The following CYP7B1 variants were observed in gnomAD, a reference collection of about 807,000 sequenced individuals.
CYP7B1 encodes cytochrome P450 7B1.
A neutral mutation model predicts 42.7 loss-of-function variants in CYP7B1; 29 were observed. The ratio of observed to expected loss-of-function variants is 0.68; its 90% CI spans 0.51 to 0.93. CYP7B1 has a LOEUF of 0.93. CYP7B1 is among the 40% of genes least tolerant of loss of function. CYP7B1 has a pLI of 0.00. For synonymous variants in CYP7B1, 235 were observed against 218.2 expected (o/e 1.08, Z -0.68); for missense variants, 655 against 600.5 (o/e 1.09, Z -0.95).
downstream of CYP7B1, among the ~76,000 whole-genome samples, chr8:64,589,570 CA>C (rs1415909662): frequency 3.3e-5 from 5 of 152,038 alleles, no homozygotes; most frequent in Non-Finnish European, 5.9e-5. Flanking sequence ...TAATTTCATT[CA>C]AACCTTAATT....
At chr8:64,721,339 T>C (rs1168974368) in intron 1 of CYP7B1, among the ~76,000 whole-genome samples, 1 of 152,164 alleles carries the variant, frequency 6.6e-6, no homozygotes, top group Non-Finnish European at 1.5e-5. Flanking sequence ...TCAAACAGGA[T>C]CATATAGATA....
At chr8:64,589,226 A>G (rs1805004723), downstream of CYP7B1, among the ~76,000 whole-genome samples, 1 of 152,216 alleles carries the variant, frequency 6.6e-6, no homozygotes, top group Admixed American at 6.5e-5. Context: ...ATCCTCAAAG[A>G]TCAAGAATCA....
intron 1 of CYP7B1, among the ~76,000 whole-genome samples, chr8:64,733,716 ATC>A (rs1807446755): frequency 6.6e-6 from 1 of 152,288 alleles, no homozygotes; most frequent in East Asian, 1.9e-4. Context: ...CATGCTTGCA[ATC>A]CCAGCTGCCT....
At chr8:64,674,685 G>C (rs1256218508) in intron 1 of CYP7B1, among the ~76,000 whole-genome samples, 1 of 152,014 alleles carries the variant, frequency 6.6e-6, no homozygotes, top group Admixed American at 6.6e-5. Flanking sequence ...TAGTGCACAG[G>C]AGAGTCTTTC....
intron 1 of CYP7B1, among the ~76,000 whole-genome samples, chr8:64,702,981 C>G (rs181672836): frequency 1.3e-5 from 2 of 151,404 alleles, no homozygotes; most frequent in African/African-American, 4.9e-5. Flanking sequence ...TAGAACACAA[C>G]CTATAACTGG....
At chr8:64,732,393 A>G (rs912268246) in intron 1 of CYP7B1, among the ~76,000 whole-genome samples, 1 of 152,174 alleles carries the variant, frequency 6.6e-6, no homozygotes, top group African/African-American at 2.4e-5. Context: ...TGTGGCCTGT[A>G]GTCTCTTTGT....
chr8:64,634,573 C>A, intron 1 of CYP7B1, among the ~76,000 whole-genome samples: 1 of 144,744 alleles, frequency 6.9e-6, no homozygotes, highest in African/African-American at 2.6e-5. Context: ...AGCAAGACTC[C>A]ATCTCAAAAA....
intron 2 of CYP7B1, among the ~76,000 whole-genome samples, chr8:64,622,966 G>A (rs1048084094): frequency 6.6e-6 from 1 of 152,062 alleles, no homozygotes; most frequent in African/African-American, 2.4e-5. Flanking sequence ...GTGAGACTCA[G>A]CCTCTTCTTT....
At chr8:64,645,875 GC>G (rs1320034824) in intron 1 of CYP7B1, among the ~76,000 whole-genome samples, 2 of 152,058 alleles carry the variant, frequency 1.3e-5, no homozygotes, top group Non-Finnish European at 2.9e-5. Flanking sequence ...ACAGAACAGA[GC>G]CCTCAGAAAT....
chr8:64,761,240 T>C (rs1807885346), intron 1 of CYP7B1, among the ~76,000 whole-genome samples: 1 of 152,108 alleles, frequency 6.6e-6, no homozygotes, highest in South Asian at 2.1e-4. Flanking sequence ...AGCTGTAAGG[T>C]GACTAAGTTT....
At chr8:64,606,913 G>A in intron 4 of CYP7B1, among the ~76,000 whole-genome samples, 1 of 152,182 alleles carries the variant, frequency 6.6e-6, no homozygotes, top group East Asian at 1.9e-4. Flanking sequence ...ACGAATGCAG[G>A]CAGAGCTATA....
At chr8:64,787,518 T>A (rs535501905) in intron 1 of CYP7B1, among the ~76,000 whole-genome samples, 4 of 152,350 alleles carry the variant, frequency 2.6e-5, no homozygotes, top group Admixed American at 1.3e-4. Flanking sequence ...ATCAGCATTT[T>A]GGTCAAAGAC....
intron 1 of CYP7B1, among the ~76,000 whole-genome samples, chr8:64,668,928 C>G (rs544257013): frequency 6.6e-6 from 1 of 151,946 alleles, no homozygotes; most frequent in Non-Finnish European, 1.5e-5. Flanking sequence ...AAAATATGTT[C>G]GAATCCCATA....
rs192303332 is a variant in CYP7B1, at chr8:64,622,310, C to A, written c.259+2093G>T. Among the ~76,000 whole-genome samples, 9 of 152,266 alleles carry A rather than the reference C, an allele frequency of 5.9e-5. No homozygotes were observed. In the East Asian group the frequency reaches 1.7e-3, roughly 29 times the overall value. On this transcript the variant is annotated intron_variant, in intron 2 of 5. Coordinates refer to ENST00000310193, the MANE Select transcript of CYP7B1 (RefSeq NM_004820.5). ...CAGGCAGAAAAAAATTACTGGCTCT[C>A]TAAGAATAGAACATAAACTTCCAAG...
intron 2 of CYP7B1, among the ~76,000 whole-genome samples, chr8:64,620,638 A>C (rs1277681451): frequency 1.3e-5 from 2 of 152,234 alleles, no homozygotes; most frequent in African/African-American, 4.8e-5. Flanking sequence ...TCACATTATG[A>C]GACAAGAGCG....
chr8:64,686,208 C>T (rs1180943682), intron 1 of CYP7B1, among the ~76,000 whole-genome samples: 35 of 52,918 alleles, frequency 6.6e-4, no homozygotes, highest in Admixed American at 1.3e-3. Flanking sequence ...CCCGGCCAGC[C>T]GCCCCGTCCG....
chr8:64,776,991 CT>C (rs771715229), intron 1 of CYP7B1, among the ~76,000 whole-genome samples: 4 of 151,972 alleles, frequency 2.6e-5, no homozygotes, highest in Admixed American at 2.6e-4. Flanking sequence ...TCCTTTGGGT[CT>C]TTATTTCTGA....
intron 4 of CYP7B1, among the ~76,000 whole-genome samples, chr8:64,606,879 A>G (rs1256859696): frequency 6.6e-6 from 1 of 152,192 alleles, no homozygotes; most frequent in African/African-American, 2.4e-5. Context: ...CACAAAAGCG[A>G]GCAGCTTTTC....
intron 1 of CYP7B1, among the ~76,000 whole-genome samples, chr8:64,720,767 T>C (rs952874103): frequency 5.9e-5 from 9 of 152,160 alleles, no homozygotes; most frequent in Non-Finnish European, 1.0e-4. Context: ...AATTATGTAA[T>C]TGTGAAACTA....
Sources: allele counts gnomAD v4.1 joint callset (sites outside exome capture counted in the v4.1 genomes callset), GRCh38; gene constraint gnomAD v4.1.1; transcripts MANE v1.5; gene names NCBI Gene and HGNC (gene_info 2026-07-23, HGNC 2026-07-21).